The following ME1 variants were observed in gnomAD, a reference collection of about 807,000 sequenced individuals.
ME1 encodes the protein NADP-dependent malic enzyme.
A neutral mutation model predicts 66.4 loss-of-function variants in ME1; 74 were observed. The observed-to-expected ratio is 1.11, with a 90% confidence interval of 0.92 to 1.35. The LOEUF (loss-of-function observed/expected upper bound fraction) is 1.35. Among genes scored for constraint, ME1 ranks in the 40% most tolerant of loss-of-function variants. The pLI, the probability that ME1 is intolerant of heterozygous loss-of-function variation, is 0.00. For synonymous variants in ME1, 251 were observed against 235.6 expected (o/e 1.07, Z -0.60); for missense variants, 750 against 694.1 (o/e 1.08, Z -0.90).
At position 83,246,203 on chromosome 6, in the gene ME1, T is replaced by C. The variant is rs1432231515; in HGVS notation, c.815-6567A>G. ...AAGCTTTGGTACTAAGTTATCTTGC[T>C]AATGAAAGATTATATATTAGGTATT... On this transcript the variant is annotated intron_variant, in intron 7 of 13. Coordinates refer to ENST00000369705, the MANE Select transcript of ME1 (RefSeq NM_002395.6). 2.0e-5 allele frequency among the ~76,000 whole-genome samples: 3 copies of C among 152,320 alleles called. No individual in the cohort carries two copies. In the East Asian group the frequency reaches 5.8e-4, roughly 29 times the overall value.
At position 83,223,875 on chromosome 6, in the gene ME1, T is replaced by C. The variant is rs1790137389; in HGVS notation, c.1334A>G (p.Gln445Arg). The C allele has an allele frequency of 3.7e-6, 6 of 1,614,078 alleles. No individual in the cohort carries two copies. The highest frequency in any genetic ancestry group is 2.2e-5 in the East Asian group (1 of 44,846). The change falls in exon 12 of 14, where the codon CAG becomes CGG. Residue 445 changes from glutamine to arginine, a missense_variant. Coordinates refer to ENST00000369705, the MANE Select transcript of ME1 (RefSeq NM_002395.6). ...PFDPVTLPNG[Q>R]TLYPGQGNNS... ...GTTGCCTTGGCCAGGATATAGGGTC[T>C]GTCCATTTGGAAGAGTGACTGGATC...
At chr6:83,253,955 A>G (rs752997463) in intron 6 of ME1, among the ~76,000 whole-genome samples, 1 of 152,204 alleles carries the variant, frequency 6.6e-6, no homozygotes, top group Non-Finnish European at 1.5e-5. Flanking sequence ...ATAACATAAA[A>G]TGACCAAAAT....
intron 5 of ME1, among the ~76,000 whole-genome samples, chr6:83,315,622 G>C (rs951198007): frequency 1.3e-5 from 2 of 152,184 alleles, no homozygotes; most frequent in Non-Finnish European, 2.9e-5. Context: ...TTTCTGGTCA[G>C]GAGCAGTGGC....
chr6:83,430,111 C>CT (rs1358596593), intron 1 of ME1, among the ~76,000 whole-genome samples: 40 of 152,214 alleles, frequency 2.6e-4, no homozygotes, highest in African/African-American at 8.9e-4. Context: ...AGGGTGTACA[C>CT]TGAATTCCCC....
At chr6:83,344,545 T>C (rs1339742674) in intron 5 of ME1, among the ~76,000 whole-genome samples, 1 of 150,918 alleles carries the variant, frequency 6.6e-6, no homozygotes, top group Non-Finnish European at 1.5e-5. Flanking sequence ...ATCATGACAG[T>C]GCACTCTAGC....
rs1583414548 is a variant in ME1, at chr6:83,392,923, C to A, written c.362+5444G>T. 4 of 810,778 alleles carry A rather than the reference C, an allele frequency of 4.9e-6. No homozygotes were observed. In the East Asian group the frequency reaches 9.8e-5, roughly 20 times the overall value. 50.2% of individuals were successfully genotyped at this position (810,778 alleles called of 1,614,324 possible). A position where few individuals can be genotyped will look rare whatever the true frequency, so the allele number is the denominator to read the frequency against. On this transcript the variant is annotated intron_variant, in intron 3 of 13. Transcript: ENST00000369705. ...AAGGTCATCCATGACAACTTTGGTA[C>A]CGTGGAAGGACTCATGACCATCGCT...
intron 6 of ME1, among the ~76,000 whole-genome samples, chr6:83,260,034 G>A (rs1448515680): frequency 6.6e-6 from 1 of 152,072 alleles, no homozygotes; most frequent in African/African-American, 2.4e-5. Flanking sequence ...AGGACTTGAA[G>A]AAATTTTATA....
intron 7 of ME1, among the ~76,000 whole-genome samples, chr6:83,250,272 A>C (rs1182631500): frequency 6.7e-6 from 1 of 150,278 alleles, no homozygotes; most frequent in Non-Finnish European, 1.5e-5. Context: ...ATTTCAAAGA[A>C]ATAAATATTT....
At chr6:83,240,075 G>A (rs866380070) in intron 7 of ME1, among the ~76,000 whole-genome samples, 1 of 151,914 alleles carries the variant, frequency 6.6e-6, no homozygotes, top group African/African-American at 2.4e-5. Flanking sequence ...TTACTCTTGG[G>A]GTTTTGAAAT....
At chr6:83,347,116 G>A (rs1344754383) in intron 4 of ME1, among the ~76,000 whole-genome samples, 1 of 151,922 alleles carries the variant, frequency 6.6e-6, no homozygotes, top group South Asian at 2.1e-4. Flanking sequence ...ACCACGCCCG[G>A]CTAATTTTTG....
At chr6:83,237,265 A>AAGAAAGAAAGAAAG (rs1562455211) in intron 9 of ME1, among the ~76,000 whole-genome samples, 8 of 106,322 alleles carry the variant, frequency 7.5e-5, no homozygotes, top group South Asian at 2.7e-4. Flanking sequence ...GAAAGAAAGA[A>AAGAAAGAAAGAAAG]AGAAAGAAAG....
chr6:83,220,245 G>A (rs1356066476), intron 12 of ME1, among the ~76,000 whole-genome samples: 3 of 152,126 alleles, frequency 2.0e-5, no homozygotes, highest in Non-Finnish European at 4.4e-5. Flanking sequence ...TATCTAAAGG[G>A]TCCTCTGAGC....
intron 5 of ME1, among the ~76,000 whole-genome samples, chr6:83,323,922 A>G (rs1352463317): frequency 1.3e-5 from 2 of 152,082 alleles, no homozygotes; most frequent in African/African-American, 4.8e-5. Context: ...TCTAAAATTG[A>G]CCCCACAATT....
intron 6 of ME1, among the ~76,000 whole-genome samples, chr6:83,264,002 A>G (rs1766945214): frequency 6.6e-6 from 1 of 152,188 alleles, no homozygotes; most frequent in South Asian, 2.1e-4. Context: ...GGGCTTTCAT[A>G]GCTAGAAAGG....
At chr6:83,331,155 T>C (rs144991469) in intron 5 of ME1, among the ~76,000 whole-genome samples, 6 of 152,300 alleles carry the variant, frequency 3.9e-5, no homozygotes, top group African/African-American at 1.4e-4. Context: ...TTGAAAGGTG[T>C]TGCCCCCAAA....
chr6:83,393,550 G>C, intron 3 of ME1: 1 of 249,802 alleles, frequency 4.0e-6, no homozygotes. Flanking sequence ...CCCTAAAAGG[G>C]AGGAGCCGAG....
At chr6:83,325,441 G>A (rs534723531) in intron 5 of ME1, among the ~76,000 whole-genome samples, 5 of 152,124 alleles carry the variant, frequency 3.3e-5, no homozygotes, top group South Asian at 4.2e-4. Flanking sequence ...CTTTGCAGAC[G>A]ACATGATTGT....
At chr6:83,289,886 T>C (rs1767468647) in intron 6 of ME1, among the ~76,000 whole-genome samples, 1 of 152,234 alleles carries the variant, frequency 6.6e-6, no homozygotes, top group Non-Finnish European at 1.5e-5. Flanking sequence ...CAGGAATTTA[T>C]CTGCTTCTTC....
intron 3 of ME1, among the ~76,000 whole-genome samples, chr6:83,353,262 G>T (rs753532573): frequency 6.6e-6 from 1 of 152,112 alleles, no homozygotes; most frequent in Non-Finnish European, 1.5e-5. Flanking sequence ...GTTATCAGAA[G>T]GCACACCATA....
Sources: allele counts gnomAD v4.1 joint callset (sites outside exome capture counted in the v4.1 genomes callset), GRCh38; gene constraint gnomAD v4.1.1; transcripts MANE v1.5; gene names NCBI Gene and HGNC (gene_info 2026-07-23, HGNC 2026-07-21).